Variants in SZT2 observed in about 807,000 individuals in gnomAD.
The protein encoded by SZT2 is KICSTOR complex protein SZT2.
Under a neutral mutation model 404.2 loss-of-function variants are expected in SZT2, and 216 were observed. The ratio of observed to expected loss-of-function variants is 0.53; its 90% CI spans 0.48 to 0.60. The LOEUF is 0.60. Among genes scored for constraint, SZT2 ranks in the 20% least tolerant of loss-of-function variants. The probability of loss-of-function intolerance (pLI) is 0.00; values close to 1 mark genes in which losing one functional copy is unlikely to be tolerated. For missense variants in SZT2, 3,857 were observed against 4,459.2 expected, an observed-to-expected ratio of 0.86 and a Z score of 3.85; for synonymous variants, 1,693 against 1,749.9, an observed-to-expected ratio of 0.97 and a Z score of 0.81.
rs567315893 is a variant in SZT2, at chr1:43,453,861, C to CGGGCGG, written c.*3390_*3395dup. ...GCGGCGGGCGGCGGGCGGCGGGCGG[C>CGGGCGG]GGGCGGGGGCGGGGCTCTCCTTGCT... On this transcript the variant is annotated 3_prime_UTR_variant, in exon 72 of 72. Transcript: ENST00000634258. 0.023 allele frequency: 17,586 copies of CGGGCGG among 757,726 alleles called. 142 individuals carry two copies. Among genetic ancestry groups the CGGGCGG allele is most frequent in the Non-Finnish European group, 0.027 (15,490 of 574,502 alleles). The allele number at this position is 757,726 out of a possible 1,614,324, so 46.9% of individuals were successfully genotyped here. A position where few individuals can be genotyped will look rare whatever the true frequency, so the allele number is the denominator to read the frequency against.
At chr1:43,408,599 G>T (rs1219520200) in intron 4 of SZT2, among the ~76,000 whole-genome samples, 2 of 151,998 alleles carry the variant, frequency 1.3e-5, no homozygotes, top group Non-Finnish European at 2.9e-5. Flanking sequence ...TTAACATATA[G>T]TATGGGCATT....
At chr1:43,428,604 G>A (rs1026884513) in intron 28 of SZT2, 118 bp downstream of exon 28, 77 of 1,403,582 alleles carry the variant, frequency 5.5e-5, no homozygotes, top group Non-Finnish European at 7.2e-5. Flanking sequence ...CTGAGAAGCA[G>A]TAGTGCTTTG....
In SZT2 at chr1:43,439,408, T is replaced by C. The variant is rs1402986712; in HGVS notation, c.6843T>C (p.Tyr2281=). 6.2e-7 allele frequency: 1 copy of C among 1,613,126 alleles called. No individual in the cohort carries two copies. The highest frequency in any genetic ancestry group is 8.5e-7 in the Non-Finnish European group (1 of 1,179,612). ...TCCCTGACTTGGACATCTACTTGTA[T>C]AACAAGCCTGGTGGACAGGGCACTG... ...GGLPDLDIYL[Y]NKPGGQGTGG... Residue 2281 remains tyrosine, a synonymous_variant, in exon 49 of 72, where the codon TAT becomes TAC. Coordinates refer to ENST00000634258, the MANE Select transcript of SZT2 (RefSeq NM_001365999.1). The surrounding 1 kb of genome is among the most constrained non-coding windows in gnomAD (Gnocchi z 4.2).
intron 11 of SZT2, 87 bp from the exon 12 acceptor site, chr1:43,421,980 CTGACTCTCTGAACGGA>C: frequency 3.8e-6 from 5 of 1,309,352 alleles, no homozygotes; most frequent in Non-Finnish European, 4.1e-6. Context: ...ACTGCTGTCT[CTGACTCTCTGAACGGA>C]GTCCACCCAT....
In SZT2 at chr1:43,454,162, TTC is replaced by T. The variant is rs1656776072; in HGVS notation, c.*3683_*3684del. 8 of 371,668 alleles carry T rather than the reference TTC, an allele frequency of 2.2e-5. No homozygotes were observed. The highest frequency in any genetic ancestry group is 3.1e-5 in the Non-Finnish European group (8 of 261,098). 23.0% of individuals were successfully genotyped at this position (371,668 alleles called of 1,614,324 possible). A position where few individuals can be genotyped will look rare whatever the true frequency, so the allele number is the denominator to read the frequency against. On this transcript the variant is annotated 3_prime_UTR_variant, in exon 72 of 72. Coordinates refer to ENST00000634258, the MANE Select transcript of SZT2 (RefSeq NM_001365999.1). Reference sequence around the variant, plus strand: ...GGACGCGCACTTTAATACTGAGTCTTTCCTCTGATTATAAAAATGCTATCTGT... The same window carrying T: ...GGACGCGCACTTTAATACTGAGTCTTCTCTGATTATAAAAATGCTATCTGT...
At position 43,430,728 on chromosome 1, in the gene SZT2, C is replaced by G. The variant is rs1217508189; in HGVS notation, c.4713C>G (p.Cys1571Trp). 2 of 1,613,266 alleles carry G rather than the reference C, an allele frequency of 1.2e-6. No individual in the cohort carries two copies. Among genetic ancestry groups the G allele is most frequent in the South Asian group, 1.1e-5 (1 of 91,088 alleles). ...CACCGCTCTTCCTGCACCTCACGTG[C>G]TCCGTGCGGCTACGTGGGCAGCACA... ...DLPPLFLHLT[C>W]SVRLRGQHSS... is the part of the protein sequence containing the mutation. Residue 1571 changes from cysteine (C) to tryptophan (W), a missense_variant, in exon 32 of 72, where the codon TGC (cysteine) becomes TGG (tryptophan). Transcript: ENST00000634258.
Position 43,426,906 on chromosome 1 carries a change from T to C in SZT2, c.3309+97T>C. 1.3e-6 allele frequency: 2 copies of C among 1,545,240 alleles called. No individual in the cohort carries two copies. The highest frequency in any genetic ancestry group is 2.3e-5 in the South Asian group (2 of 85,502). ...ACCTTCTACCGCCCTTGAGACTAAA[T>C]GGCATCTGCCAATGACACAATGCCG... On this transcript the variant is annotated intron_variant, in intron 23 of 71. Transcript: ENST00000634258. The surrounding 1 kb of genome is among the most constrained non-coding windows in gnomAD (Gnocchi z 4.9).
chr1:43,427,236 C>T (rs758757340), intron 24 of SZT2, 45 bp from the exon 25 acceptor site: 46 of 1,605,162 alleles, frequency 2.9e-5, no homozygotes, highest in Non-Finnish European at 3.7e-5. Context: ...TGAGCTCCCT[C>T]ACTGGCCCAC....
At chr1:43,416,414 A>T in intron 6 of SZT2, 121 bp from the exon 7 acceptor site, 1 of 782,370 alleles carries the variant, frequency 1.3e-6, no homozygotes, top group Non-Finnish European at 2.0e-6. Flanking sequence ...TTCACAGTTT[A>T]TGAAACTGCC....
chr1:43,390,600 G>A (rs140928995), intron 1 of SZT2, among the ~76,000 whole-genome samples: 1 of 152,334 alleles, frequency 6.6e-6, no homozygotes, highest in African/African-American at 2.4e-5. Context: ...AACCAGAAAG[G>A]TGATATGATA....
chr1:43,417,570 CTG>C (rs989852241), intron 7 of SZT2, among the ~76,000 whole-genome samples: 2 of 152,190 alleles, frequency 1.3e-5, no homozygotes, highest in African/African-American at 4.8e-5. Flanking sequence ...CACTTACTAA[CTG>C]TGTGACATTG....
At position 43,433,186 on chromosome 1, in the gene SZT2, G is replaced by T; in HGVS notation, c.5800G>T (p.Ala1934Ser). The change falls in exon 40 of 72, where the codon GCA becomes TCA. Residue 1934 changes from alanine to serine, a missense_variant. Ala to Ser is a moderately conservative substitution (Grantham distance 99). Coordinates refer to ENST00000634258, the MANE Select transcript of SZT2 (RefSeq NM_001365999.1). ...GGACCGTGTGGAAGTGTATGCACAT[G>T]CACGGTAAGTAGAAGCCAGGGCCTG... Reference protein sequence around the residue: ...LQDRVEVYAHARSLIREDGGP... With the variant: ...LQDRVEVYAHSRSLIREDGGP... 1.2e-6 allele frequency: 2 copies of T among 1,613,266 alleles called. No individual in the cohort carries two copies. The highest frequency in any genetic ancestry group is 1.1e-5 in the South Asian group (1 of 91,068).
Position 43,453,431 on chromosome 1 carries a change from C to T in SZT2, c.*2951C>T. On this transcript the variant is annotated 3_prime_UTR_variant, in exon 72 of 72. Transcript: ENST00000634258. The stretch of plus-strand genomic sequence containing the variant: ...GGCATACCGCACGGCCTGCTCCAGT[C>T]CCTCTCGGAAGGCCGCCTGTCTCCC... The T allele has an allele frequency of 3.2e-6, 5 of 1,562,784 alleles. No homozygotes were observed. The highest frequency in any genetic ancestry group is 3.5e-6 in the Non-Finnish European group (4 of 1,152,538).
chr1:43,452,391 G>A lies in SZT2; in HGVS notation c.*1911G>A, dbSNP rs150009822. The A allele has an allele frequency of 2.6e-5, 32 of 1,250,412 alleles. No individual in the cohort carries two copies. In the Middle Eastern group the frequency reaches 5.6e-4, roughly 22 times the overall value. 77.5% of individuals were successfully genotyped at this position (1,250,412 alleles called of 1,614,324 possible). On this transcript the variant is annotated 3_prime_UTR_variant, in exon 72 of 72. Transcript: ENST00000634258. ...GCACCTCTTCCAGGATTCCCTGACT[G>A]TGCCAGCCCTCGTCCGTCTCCCCAG... is the stretch of plus-strand genomic sequence containing the variant.
At position 43,441,986 on chromosome 1, in the gene SZT2, C is replaced by T. The variant is rs374135457; in HGVS notation, c.7743-14C>T. The T allele has an allele frequency of 1.4e-5, 23 of 1,607,614 alleles. No homozygotes were observed. The highest frequency in any genetic ancestry group is 1.9e-5 in the Non-Finnish European group (22 of 1,176,096). ...GTCATGGATGGCCTTTCTGTCTGTC[C>T]TCCCTTTCAATAGGGGTTCAGAGCC... On this transcript the variant is annotated splice_polypyrimidine_tract_variant and intron_variant, in intron 55 of 71. Coordinates refer to ENST00000634258, the MANE Select transcript of SZT2 (RefSeq NM_001365999.1). The surrounding 1 kb of genome is among the most constrained non-coding windows in gnomAD (Gnocchi z 4.8).
chr1:43,448,755 A>T lies in SZT2; in HGVS notation c.10086+27A>T. The T allele has an allele frequency of 1.3e-6, 2 of 1,597,696 alleles. No homozygotes were observed. Among genetic ancestry groups the T allele is most frequent in the East Asian group, 2.2e-5 (1 of 44,808 alleles). On this transcript the variant is annotated intron_variant, in intron 70 of 71. Coordinates refer to ENST00000634258, the MANE Select transcript of SZT2 (RefSeq NM_001365999.1). The surrounding 1 kb of genome is among the most constrained non-coding windows in gnomAD (Gnocchi z 4.2). ...TAAGTCCCCTTGAGCTTCCTCTGAA[A>T]AGGGAAACACAGCAGAAATCCTCAC...
Position 43,451,882 on chromosome 1 carries a change from C to G in SZT2, c.*1402C>G. ...AAGCCAGGGAGGGGACCGTGAGCCT[C>G]AAGAGCACAGGAATCAAAAGGGACA... On this transcript the variant is annotated 3_prime_UTR_variant, in exon 72 of 72. Transcript: ENST00000634258. The G allele has an allele frequency of 6.2e-7, 1 of 1,614,066 alleles. No individual in the cohort carries two copies. The highest frequency in any genetic ancestry group is 8.5e-7 in the Non-Finnish European group (1 of 1,179,952).
intron 1 of SZT2, among the ~76,000 whole-genome samples, chr1:43,400,868 G>A (rs375863395): frequency 8.6e-4 from 129 of 149,312 alleles, no homozygotes; most frequent in African/African-American, 3.0e-3. Flanking sequence ...GCAAAACTCC[G>A]TCTCAAAAAA....
At position 43,423,096 on chromosome 1, in the gene SZT2, C is replaced by T. The variant is rs578153834; in HGVS notation, c.2038-3C>T. The stretch of plus-strand genomic sequence containing the variant: ...AGAGGATGTGACCACATTTTCCCCT[C>T]AGATTGTGTCAGGCTTGAGGGAAGA... On this transcript the variant is annotated splice_polypyrimidine_tract_variant and splice_region_variant and intron_variant, in intron 14 of 71. Coordinates refer to ENST00000634258, the MANE Select transcript of SZT2 (RefSeq NM_001365999.1). 152 of 1,584,216 alleles carry T rather than the reference C, an allele frequency of 9.6e-5. No homozygotes were observed. In the African/African-American group the frequency reaches 1.8e-3, roughly 18 times the overall value.
Sources: gnomAD v4.1 joint callset for allele counts (sites outside exome capture counted in the v4.1 genomes callset) on GRCh38, gnomAD v4.1.1 for gene constraint, Gnocchi (gnomAD v3.1) non-coding constraint, MANE v1.5 for transcripts, NCBI Gene and HGNC (gene_info 2026-07-23, HGNC 2026-07-21) for gene names.